Variants in LYPD6 observed in about 807,000 individuals in gnomAD.
LYPD6 encodes the protein LY6/PLAUR domain containing 6, also known as ly6/PLAUR domain-containing protein 6.
LYPD6 carries 15 observed loss-of-function variants against 22.7 expected under a neutral mutation model. The observed-to-expected ratio is 0.66, with a 90% CI of 0.44 to 1.02. LYPD6 has a LOEUF of 1.02. Ranked by LOEUF, LYPD6 falls within the 50% of genes least tolerant of loss-of-function variation. LYPD6 has a pLI of 0.00. For synonymous variants in LYPD6, 72 were observed against 77.5 expected (o/e 0.93, Z 0.37); for missense variants, 189 against 208.4 (o/e 0.91, Z 0.57).
chr2:149,394,498 C>G (rs6718914), intron 1 of LYPD6, among the ~76,000 whole-genome samples: 4,121 of 152,176 alleles, frequency 0.027, 166 homozygotes, highest in African/African-American at 0.093. Flanking sequence ...TACACCCATA[C>G]ATTTATATTT....
rs561206698 is a variant in LYPD6 at position 149,338,627 on chromosome 2, A to G, written c.-72+7905A>G. ...AGAGAATGAGCCCTCACCAGACACC[A>G]GATCTGCTGGTATTGTCATCTTGGA... On this transcript the variant is annotated intron_variant, in intron 1 of 4. Transcript: ENST00000334166. Among the ~76,000 whole-genome samples, 168 of 152,332 alleles carry G rather than the reference A, an allele frequency of 1.1e-3. 1 individual carries two copies. The highest frequency in any genetic ancestry group is 1.6e-3 in the Admixed American group (25 of 15,292).
At chr2:149,347,486 A>G (rs1383671272) in intron 1 of LYPD6, among the ~76,000 whole-genome samples, 1 of 152,148 alleles carries the variant, frequency 6.6e-6, no homozygotes, top group Non-Finnish European at 1.5e-5. Flanking sequence ...GGCCAACATC[A>G]TCACTTGACA....
At chr2:149,398,963 G>T (rs1341225858) in intron 1 of LYPD6, among the ~76,000 whole-genome samples, 1 of 152,160 alleles carries the variant, frequency 6.6e-6, no homozygotes, top group Non-Finnish European at 1.5e-5. Context: ...CCTCCAGAGA[G>T]GAGGCAAAGG....
rs558667385 is a variant in LYPD6, at chr2:149,385,313, A to C, written c.-71-52325A>C. ...CTATTTAACATGTGGCATTCAGAGC[A>C]GAAGCGTCTGAAAGGCACATTTCTT... On this transcript the variant is annotated intron_variant, in intron 1 of 4. Coordinates refer to ENST00000334166, the MANE Select transcript of LYPD6 (RefSeq NM_194317.5). 2.9e-4 allele frequency among the ~76,000 whole-genome samples: 44 copies of C among 152,306 alleles called. No homozygotes were observed. In the South Asian group the frequency reaches 7.1e-3, roughly 24 times the overall value.
intron 1 of LYPD6, among the ~76,000 whole-genome samples, chr2:149,430,708 C>T (rs369554889): frequency 1.5e-4 from 23 of 152,216 alleles, no homozygotes; most frequent in East Asian, 9.7e-4. Context: ...TTTATAATTG[C>T]GTATATACTG....
chr2:149,455,874 G>T (rs973152448), intron 3 of LYPD6, among the ~76,000 whole-genome samples: 2 of 152,174 alleles, frequency 1.3e-5, no homozygotes, highest in African/African-American at 4.8e-5. Context: ...CCAGTGAGAG[G>T]TTCATTAAGA....
At chr2:149,466,959 G>A (rs1347695198) in intron 3 of LYPD6, among the ~76,000 whole-genome samples, 2 of 152,088 alleles carry the variant, frequency 1.3e-5, no homozygotes, top group African/African-American at 2.4e-5. Context: ...AACGTCCATC[G>A]AGTCTGATAC....
At chr2:149,415,605 A>G (rs74703917) in intron 1 of LYPD6, among the ~76,000 whole-genome samples, 3,373 of 152,138 alleles carry the variant, frequency 0.022, 108 homozygotes, top group African/African-American at 0.077. Context: ...AAGGAGAGAG[A>G]GAAGGGAGGA....
rs73964423 is a variant in LYPD6, at chr2:149,420,049, T to G, written c.-71-17589T>G. 4.9e-3 allele frequency among the ~76,000 whole-genome samples: 748 copies of G among 152,354 alleles called. 6 individuals are homozygous for G. Among genetic ancestry groups the G allele is most frequent in the African/African-American group, 0.017 (703 of 41,584 alleles). ...CTTTTGCCTGAATCCCAGGCCTGCC[T>G]GCTTTTCCGCTATGAATAACATCAG... On this transcript the variant is annotated intron_variant, in intron 1 of 4. Transcript: ENST00000334166.
At chr2:149,413,231 C>T (rs558661842) in intron 1 of LYPD6, among the ~76,000 whole-genome samples, 12 of 152,248 alleles carry the variant, frequency 7.9e-5, no homozygotes, top group Non-Finnish European at 1.3e-4. Context: ...CGCCAACATC[C>T]GGCCAGGCAG....
chr2:149,348,701 T>C (rs547020351), intron 1 of LYPD6, among the ~76,000 whole-genome samples: 5 of 152,236 alleles, frequency 3.3e-5, no homozygotes, highest in Non-Finnish European at 7.3e-5. Flanking sequence ...CTTCCTTCCT[T>C]CTTTGTGAGT....
At chr2:149,402,911 T>C (rs1433028103) in intron 1 of LYPD6, among the ~76,000 whole-genome samples, 2 of 131,032 alleles carry the variant, frequency 1.5e-5, no homozygotes, top group Non-Finnish European at 3.2e-5. Context: ...CCCCAAAGTG[T>C]GATGTTCCCC....
chr2:149,371,804 T>G (rs1405202001), intron 1 of LYPD6, among the ~76,000 whole-genome samples: 1 of 152,182 alleles, frequency 6.6e-6, no homozygotes, highest in Admixed American at 6.5e-5. Flanking sequence ...GAGAGTAGCT[T>G]CGTCAAATCT....
intron 1 of LYPD6, among the ~76,000 whole-genome samples, chr2:149,343,403 G>A (rs115824000): frequency 0.024 from 3,692 of 152,222 alleles, 68 homozygotes; most frequent in Non-Finnish European, 0.037. Context: ...CAAATTTGAG[G>A]AGAATGACAA....
chr2:149,343,605 G>A (rs574359618), intron 1 of LYPD6, among the ~76,000 whole-genome samples: 1 of 152,320 alleles, frequency 6.6e-6, no homozygotes. Context: ...AAAGCTGGGG[G>A]AATATGAGTC....
chr2:149,371,582 A>G (rs1681810620), intron 1 of LYPD6, among the ~76,000 whole-genome samples: 1 of 152,214 alleles, frequency 6.6e-6, no homozygotes, highest in South Asian at 2.1e-4. Flanking sequence ...GTATTTAGGA[A>G]GCAGAAACCA....
At chr2:149,350,159 C>G (rs1573733964) in intron 1 of LYPD6, among the ~76,000 whole-genome samples, 2 of 152,104 alleles carry the variant, frequency 1.3e-5, no homozygotes, top group Non-Finnish European at 2.9e-5. Flanking sequence ...CAAAGGATGC[C>G]AGCTTCAGAA....
At chr2:149,378,274 C>T (rs1031562184) in intron 1 of LYPD6, among the ~76,000 whole-genome samples, 11 of 152,042 alleles carry the variant, frequency 7.2e-5, no homozygotes, top group Admixed American at 2.0e-4. Flanking sequence ...CCTGCCACCA[C>T]GCCCAGCTAA....
At chr2:149,404,037 A>G (rs536691834) in intron 1 of LYPD6, among the ~76,000 whole-genome samples, 1 of 152,176 alleles carries the variant, frequency 6.6e-6, no homozygotes, top group African/African-American at 2.4e-5. Context: ...AAGATCACAT[A>G]GTTGTAGATA....
Sources: gnomAD v4.1 joint callset for allele counts (sites outside exome capture counted in the v4.1 genomes callset) on GRCh38, gnomAD v4.1.1 for gene constraint, MANE v1.5 for transcripts, NCBI Gene and HGNC (gene_info 2026-07-23, HGNC 2026-07-21) for gene names.